The following GYG2 variants were observed in gnomAD, a reference collection of about 807,000 sequenced individuals.
GYG2 encodes the protein glycogenin-2.
GYG2 carries 29 observed loss-of-function variants against 29.4 expected under a neutral mutation model. The ratio of observed to expected loss-of-function variants is 0.99; its 90% CI spans 0.74 to 1.35. The LOEUF (loss-of-function observed/expected upper bound fraction) is 1.35. GYG2 is among the 40% of genes most tolerant of loss of function. The pLI is 0.00. For synonymous variants in GYG2, 167 were observed against 172.3 expected, an observed-to-expected ratio of 0.97 and a Z score of 0.24; for missense variants, 370 against 385.7, an observed-to-expected ratio of 0.96 and a Z score of 0.34.
intron 8 of GYG2, among the ~76,000 whole-genome samples, chrX:2,867,429 G>C (rs2088324155): frequency 8.9e-6 from 1 of 111,733 alleles, no homozygotes; most frequent in Non-Finnish European, 1.9e-5. Flanking sequence ...TGATCTGAAG[G>C]AAAGTGATAA....
In GYG2 at chrX:2,881,425, C is replaced by CT. The variant is rs2088718702; in HGVS notation, c.*213dup. On this transcript the variant is annotated 3_prime_UTR_variant, in exon 11 of 11. Transcript: ENST00000398806. ...GCCCCAACTTCTCCACCAACGCCTT[C>CT]TGGGCTTTCTTCAGAGGTCACTTCT... The CT allele has an allele frequency of 2.8e-6, 1 of 361,681 alleles. No individual in the cohort carries two copies. Among genetic ancestry groups the CT allele is most frequent in the East Asian group, 4.8e-5 (1 of 20,908 alleles). 29.8% of individuals were successfully genotyped at this position (361,681 alleles called of 1,213,427 possible).
rs2088738250 is a variant in GYG2 at position 2,882,529 on chromosome X, G to A, written c.*1316G>A. On this transcript the variant is annotated 3_prime_UTR_variant, in exon 11 of 11. Transcript: ENST00000398806. ...TGTGTACAAGATGTGGGTGATGGAG[G>A]GGCTGTTTCTTTTTCCGTGTGGGTG... The A allele has an allele frequency of 9.2e-6, 1 of 108,996 alleles. No homozygotes were observed. The highest frequency in any genetic ancestry group is 1.9e-5 in the Non-Finnish European group (1 of 52,468). The allele number at this position is 108,996 out of a possible 1,213,427, so 9.0% of individuals were successfully genotyped here. A position where few individuals can be genotyped will look rare whatever the true frequency, so the allele number is the denominator to read the frequency against.
intron 3 of GYG2, among the ~76,000 whole-genome samples, chrX:2,849,522 T>C (rs1034276225): frequency 3.6e-5 from 4 of 111,987 alleles, no homozygotes; most frequent in Admixed American, 1.9e-4. Flanking sequence ...GTTCCAGATA[T>C]TGAGCAGAGT....
rs1327602896 is a variant in GYG2, at chrX:2,856,515, C to T, written c.505C>T (p.Leu169=). 1.7e-6 allele frequency: 2 copies of T among 1,207,100 alleles called. No homozygotes were observed. Among genetic ancestry groups the T allele is most frequent in the African/African-American group, 3.5e-5 (2 of 56,862 alleles). Residue 169 remains leucine (L), a synonymous_variant, in exon 6 of 11, where the codon CTG becomes TTG. Transcript: ENST00000398806. ...TTATGTAGGGGCAGACCAAGGCTTA[C>T]TGAATAGTTTCTTCAGGAACTGGTC... ...GSFDGADQGL[L]NSFFRNWSTT...
intron 8 of GYG2, among the ~76,000 whole-genome samples, chrX:2,863,232 G>T (rs1449121768): frequency 9.1e-6 from 1 of 109,294 alleles, no homozygotes; most frequent in Non-Finnish European, 1.9e-5. Context: ...CCGCCACCGC[G>T]CCCGGCTAAT....
intron 2 of GYG2, among the ~76,000 whole-genome samples, chrX:2,838,867 A>G (rs2087436844): frequency 1.8e-5 from 2 of 111,807 alleles, no homozygotes; most frequent in African/African-American, 6.5e-5. Flanking sequence ...TCTCCCCCTG[A>G]TCTTTTGAAA....
intron 3 of GYG2, among the ~76,000 whole-genome samples, chrX:2,846,936 G>T (rs2087750217): frequency 9.0e-6 from 1 of 111,708 alleles, no homozygotes; most frequent in Non-Finnish European, 1.9e-5. Flanking sequence ...GATGTTGGTT[G>T]TTGTCATCAG....
intron 2 of GYG2, among the ~76,000 whole-genome samples, chrX:2,840,436 A>C (rs926971329): frequency 1.8e-5 from 2 of 112,056 alleles, no homozygotes; most frequent in East Asian, 5.6e-4. Flanking sequence ...GAATGGGTCC[A>C]TGACAGCTAC....
At chrX:2,844,880 A>G (rs1478018129) in intron 3 of GYG2, among the ~76,000 whole-genome samples, 3 of 107,480 alleles carry the variant, frequency 2.8e-5, no homozygotes, top group African/African-American at 1.0e-4. Context: ...GCGTATATAC[A>G]CATGTATGTG....
chrX:2,875,591 G>A (rs2088574643), intron 8 of GYG2, among the ~76,000 whole-genome samples: 1 of 108,152 alleles, frequency 9.2e-6, no homozygotes, highest in African/African-American at 3.4e-5. Context: ...TCCTGTCCAG[G>A]TGCAAGGAGG....
intron 8 of GYG2, among the ~76,000 whole-genome samples, chrX:2,871,387 T>G (rs1325551933): frequency 1.9e-5 from 2 of 104,115 alleles, no homozygotes; most frequent in Non-Finnish European, 3.9e-5. Context: ...CTGATGCACT[T>G]AAAAAAAAAA....
chrX:2,831,293 TA>T (rs1161766323), intron 2 of GYG2, among the ~76,000 whole-genome samples: 8 of 112,577 alleles, frequency 7.1e-5, no homozygotes, highest in Middle Eastern at 9.1e-3. Context: ...CTTGAACTTC[TA>T]GGCTCAAGCA....
rs2087955107 is a variant in GYG2, at chrX:2,855,167, C to A, written c.487+12C>A. On this transcript the variant is annotated intron_variant, in intron 5 of 10. Coordinates refer to ENST00000398806, the MANE Select transcript of GYG2 (RefSeq NM_001079855.2). Reference sequence around the variant, plus strand: ...CGGCAGCTTTGACGGTAAGTCAGGGCAGCCCGGACGCTTAGGGTCTCTGTT... The same window carrying A: ...CGGCAGCTTTGACGGTAAGTCAGGGAAGCCCGGACGCTTAGGGTCTCTGTT... The A allele has an allele frequency of 1.7e-6, 2 of 1,199,088 alleles. No homozygotes were observed. Among genetic ancestry groups the A allele is most frequent in the East Asian group, 3.0e-5 (1 of 33,661 alleles).
At chrX:2,861,452 G>A (rs779441956) in intron 7 of GYG2, 70 bp from the exon 8 acceptor site, 40 of 867,854 alleles carry the variant, frequency 4.6e-5, no homozygotes, top group South Asian at 1.0e-4. Flanking sequence ...GGCCCCACCC[G>A]CCCCCCAGGA....
chrX:2,856,742 A>ATGTG, intron 6 of GYG2, 118 bp downstream of exon 6: 1 of 393,772 alleles, frequency 2.5e-6, no homozygotes, highest in Non-Finnish European at 4.3e-6. Context: ...TCTATCATCT[A>ATGTG]TCTATCTATG....
intron 8 of GYG2, among the ~76,000 whole-genome samples, chrX:2,868,595 T>G (rs1038598595): frequency 9.1e-6 from 1 of 110,335 alleles, no homozygotes; most frequent in African/African-American, 3.3e-5. Context: ...CCTAAAAAAA[T>G]TTGTTATGGT....
intron 2 of GYG2, chrX:2,843,000 A>G: frequency 2.1e-6 from 1 of 470,422 alleles, no homozygotes; most frequent in Non-Finnish European, 3.8e-6. Flanking sequence ...TTTCGTAGAG[A>G]CAGAGTTTCA....
intron 3 of GYG2, among the ~76,000 whole-genome samples, chrX:2,846,033 A>ACG (rs1303026750): frequency 0.01 from 302 of 29,840 alleles, 4 homozygotes; most frequent in African/African-American, 0.023. Flanking sequence ...ACATATATAT[A>ACG]CACATATATA....
In GYG2 at chrX:2,860,056, T is replaced by G. The variant is rs765696744; in HGVS notation, c.828T>G (p.Pro276=). 19 of 1,153,815 alleles carry G rather than the reference T, an allele frequency of 1.6e-5. No homozygotes were observed. In the African/African-American group the frequency reaches 3.0e-4, roughly 18 times the overall value. Residue 276 remains proline, a synonymous_variant, in exon 7 of 11, where the codon CCT becomes CCG. Transcript: ENST00000398806. ...AAGCGGGGGAAGCACGCGCGTCTCC[T>G]GGTCACACAGTAAGTGGGGGATTCC... ...SVQAGEARAS[P]GHTLCHSDVG... is the part of the protein sequence containing the mutation.
Sources: allele counts gnomAD v4.1 joint callset (sites outside exome capture counted in the v4.1 genomes callset), GRCh38; gene constraint gnomAD v4.1.1; transcripts MANE v1.5; gene names NCBI Gene and HGNC (gene_info 2026-07-23, HGNC 2026-07-21).